The following COG3 variants were observed in gnomAD, a reference collection of about 807,000 sequenced individuals.
The protein encoded by COG3 is conserved oligomeric Golgi complex subunit 3.
COG3 carries 32 observed loss-of-function variants against 114.1 expected under a neutral mutation model. The ratio of observed to expected loss-of-function variants is 0.28; its 90% confidence interval spans 0.21 to 0.38. COG3 has a LOEUF of 0.38. Among genes scored for constraint, COG3 ranks in the 10% least tolerant of loss-of-function variants. COG3 has a pLI of 1.00. For missense variants in COG3, 813 were observed against 973.2 expected (o/e 0.84, Z 2.19); for synonymous variants, 352 against 365.7 (o/e 0.96, Z 0.43).
chr13:45,465,318 T>C (rs932970885), intron 1 of COG3, 108 bp downstream of exon 1: 2 of 1,447,936 alleles, frequency 1.4e-6, no homozygotes, highest in Non-Finnish European at 1.8e-6. Context: ...ATCTCTCCAC[T>C]CCTCCCTGGC....
At chr13:45,532,091 A>G (rs1873206787) in intron 22 of COG3, 1 of 152,074 alleles carries the variant, frequency 6.6e-6, no homozygotes, top group African/African-American at 2.4e-5. Flanking sequence ...TGGATATTTC[A>G]TTAAATGGAA....
chr13:45,528,715 C>T (rs1872907678), intron 20 of COG3, among the ~76,000 whole-genome samples: 1 of 152,112 alleles, frequency 6.6e-6, no homozygotes, highest in Non-Finnish European at 1.5e-5. Flanking sequence ...AGAGGCCTTT[C>T]TGTATAGCAT....
intron 14 of COG3, among the ~76,000 whole-genome samples, chr13:45,508,478 G>T (rs1294005166): frequency 6.6e-6 from 1 of 150,740 alleles, no homozygotes; most frequent in Non-Finnish European, 1.5e-5. Flanking sequence ...GTGTTGGGGT[G>T]TGTGTGTAAA....
chr13:45,486,533 A>G lies in COG3; in HGVS notation c.882A>G (p.Thr294=). The part of the protein sequence containing the change: ...SSVPNADNAF[T]LFYVKFRAAA... ...TACCTAATGCAGACAATGCCTTCAC[A>G]TTATTTTATGTGAAATTTCGAGCTG... The change falls in exon 8 of 23, where the codon ACA becomes ACG. Residue 294 remains threonine, a synonymous_variant. Coordinates refer to ENST00000349995, the MANE Select transcript of COG3 (RefSeq NM_031431.4). 5 of 1,611,402 alleles carry G rather than the reference A, an allele frequency of 3.1e-6. 1 individual carries two copies. Among genetic ancestry groups the G allele is most frequent in the Middle Eastern group, 3.3e-4 (2 of 6,056 alleles).
chr13:45,528,853 G>A (rs1406735037), intron 20 of COG3, among the ~76,000 whole-genome samples: 2 of 152,050 alleles, frequency 1.3e-5, no homozygotes, highest in African/African-American at 4.8e-5. Context: ...CTCTTAACAT[G>A]TCTGTATACT....
Position 45,513,499 on chromosome 13 carries a change from TTATATATATAATATATACATATAAATTA to T in COG3, c.1809+1654_1809+1681del, listed in dbSNP as rs1871190620. ...TATATATATAATATATACATATAAA[TTATATATATAATATATACATATAAATTA>T]TATATATAATATATACATATAAATT... On this transcript the variant is annotated intron_variant, in intron 16 of 22. Transcript: ENST00000349995. 3.4e-4 allele frequency among the ~76,000 whole-genome samples: 13 copies of T among 38,396 alleles called. No homozygotes were observed. The South Asian group carries it at 7.8e-3, about 23-fold the overall frequency. The allele number at this position is 38,396 out of a possible 152,430, so 25.2% of individuals were successfully genotyped here. A position where few individuals can be genotyped will look rare whatever the true frequency, so the allele number is the denominator to read the frequency against.
chr13:45,503,670 GAAGT>G, intron 14 of COG3, among the ~76,000 whole-genome samples: 1 of 152,140 alleles, frequency 6.6e-6, no homozygotes, highest in East Asian at 1.9e-4. Flanking sequence ...AGAGCCAGGT[GAAGT>G]AAGTTTGTTT....
Position 45,496,142 on chromosome 13 carries a change from T to A in COG3, c.1328-10T>A. 1 of 1,603,192 alleles carries A rather than the reference T, an allele frequency of 6.2e-7. No individual in the cohort carries two copies. Among genetic ancestry groups the A allele is most frequent in the Non-Finnish European group, 8.5e-7 (1 of 1,174,074 alleles). On this transcript the variant is annotated splice_polypyrimidine_tract_variant and intron_variant, in intron 12 of 22. Coordinates refer to ENST00000349995, the MANE Select transcript of COG3 (RefSeq NM_031431.4). The stretch of plus-strand genomic sequence containing the variant: ...ATCTAAAAGAATGGATGATTGCACT[T>A]TTTTATCAGCTGAGCAACTGGGGGC...
intron 20 of COG3, among the ~76,000 whole-genome samples, chr13:45,525,290 A>G (rs181776160): frequency 6.6e-6 from 1 of 152,264 alleles, no homozygotes; most frequent in East Asian, 1.9e-4. Context: ...AGTTAAAAAT[A>G]AAATATGGCT....
At chr13:45,519,470 G>T (rs2985979) in intron 19 of COG3, among the ~76,000 whole-genome samples, 109,859 of 151,994 alleles carry the variant, frequency 0.72, 41,223 homozygotes, top group Admixed American at 0.82. Context: ...TTCTTAAAAT[G>T]GGTGATTTGT....
rs372697117 is a variant in COG3, at chr13:45,467,437, T to C, written c.174+2227T>C. Among the ~76,000 whole-genome samples, 12 of 152,216 alleles carry C rather than the reference T, an allele frequency of 7.9e-5. No individual in the cohort carries two copies. The East Asian group carries it at 1.9e-3, about 25-fold the overall frequency. On this transcript the variant is annotated intron_variant, in intron 1 of 22. Transcript: ENST00000349995. ...CGAAACACCATCTCTACTAAAAATA[T>C]AAAAATTAGCTGGGTGTGGTGGTGC...
At chr13:45,530,486 G>A (rs1429836561) in intron 21 of COG3, among the ~76,000 whole-genome samples, 196 bp from the exon 22 acceptor site, 3 of 152,162 alleles carry the variant, frequency 2.0e-5, no homozygotes, top group Non-Finnish European at 4.4e-5. Flanking sequence ...TAGTCTTCCT[G>A]GGAAGCATTA....
intron 22 of COG3, among the ~76,000 whole-genome samples, chr13:45,533,931 C>T (rs558335387): frequency 1.3e-5 from 2 of 152,206 alleles, no homozygotes; most frequent in African/African-American, 4.8e-5. Flanking sequence ...GGGTGATGAT[C>T]TGCATCAGCA....
intron 8 of COG3, among the ~76,000 whole-genome samples, chr13:45,487,549 A>G (rs895349937): frequency 4.6e-5 from 7 of 152,232 alleles, no homozygotes; most frequent in Non-Finnish European, 1.5e-5. Context: ...AAGGCCCCAA[A>G]TAATCCCATT....
chr13:45,482,500 T>C (rs1483596351), intron 6 of COG3, 27 bp downstream of exon 6: 3 of 1,119,080 alleles, frequency 2.7e-6, no homozygotes, highest in Non-Finnish European at 3.9e-6. Flanking sequence ...TTGCATGTTT[T>C]AAAGAAATCC....
Position 45,496,796 on chromosome 13 carries a change from C to T in COG3, c.1488+484C>T, listed in dbSNP as rs187797483. 1.8e-4 allele frequency among the ~76,000 whole-genome samples: 27 copies of T among 152,182 alleles called. No individual in the cohort carries two copies. In the East Asian group the frequency reaches 4.8e-3, roughly 27 times the overall value. On this transcript the variant is annotated intron_variant, in intron 13 of 22. Coordinates refer to ENST00000349995, the MANE Select transcript of COG3 (RefSeq NM_031431.4). ...TCGCGCCATTCTCCTGCCTCAGCCT[C>T]CCGAGAAGCTGGGACTACAGGCGCC...
rs749275039 is a variant in COG3 at position 45,525,049 on chromosome 13, C to G, written c.2228C>G (p.Pro743Arg). ...CTCTCACAGCAGCCTTGGGCACAAC[C>G]AGGTATTCTGATTTGACCATTTTGG... ...YTLSQQPWAQ[P>R]AKVNDLAATA... Residue 743 changes from proline (P) to arginine (R), a missense_variant and splice_region_variant, in exon 20 of 23, where the codon CCA (proline) becomes CGA (arginine). Physicochemically the swap from Pro to Arg is moderately radical, Grantham distance 103. Transcript: ENST00000349995. 5 of 1,612,958 alleles carry G rather than the reference C, an allele frequency of 3.1e-6. No homozygotes were observed. The highest frequency in any genetic ancestry group is 1.1e-5 in the South Asian group (1 of 91,022).
intron 22 of COG3, among the ~76,000 whole-genome samples, chr13:45,533,246 C>T (rs1873327845): frequency 6.6e-6 from 1 of 151,500 alleles, no homozygotes; most frequent in African/African-American, 2.4e-5. Flanking sequence ...GTTATAGTCA[C>T]TTGCATGAAT....
chr13:45,508,092 A>T (rs1870395515), intron 14 of COG3, among the ~76,000 whole-genome samples: 1 of 148,662 alleles, frequency 6.7e-6, no homozygotes, highest in Non-Finnish European at 1.5e-5. Flanking sequence ...AAAAAAAAAA[A>T]AAAAAAAGGA....
Sources: allele counts gnomAD v4.1 joint callset (sites outside exome capture counted in the v4.1 genomes callset), GRCh38; gene constraint gnomAD v4.1.1; transcripts MANE v1.5; gene names NCBI Gene and HGNC (gene_info 2026-07-23, HGNC 2026-07-21).